The following DLGAP2 variants were observed in gnomAD, a reference collection of about 807,000 sequenced individuals.
DLGAP2 encodes DLG associated protein 2.
A neutral mutation model predicts 100.3 loss-of-function variants in DLGAP2; 26 were observed. The ratio of observed to expected loss-of-function variants is 0.26; its 90% CI spans 0.19 to 0.36. DLGAP2 has a LOEUF of 0.36. Ranked by LOEUF, DLGAP2 falls within the 10% of genes least tolerant of loss-of-function variation. The pLI, the probability that DLGAP2 is intolerant of heterozygous loss-of-function variation, is 1.00. For missense variants in DLGAP2, 1,858 were observed against 1,453.2 expected, an observed-to-expected ratio of 1.28 and a Z score of -4.53; for synonymous variants, 886 against 630.1, an observed-to-expected ratio of 1.41 and a Z score of -6.08.
At chr8:862,105 A>C (rs1194435570) in intron 1 of DLGAP2, among the ~76,000 whole-genome samples, 1 of 152,100 alleles carries the variant, frequency 6.6e-6, no homozygotes, top group Non-Finnish European at 1.5e-5. Context: ...TCTTGGTTTC[A>C]TGAGTTTATG....
At chr8:1,261,923 G>C (rs1014790647) in intron 3 of DLGAP2, among the ~76,000 whole-genome samples, 1 of 152,200 alleles carries the variant, frequency 6.6e-6, no homozygotes, top group Non-Finnish European at 1.5e-5. Flanking sequence ...TGGTGGCAGC[G>C]TGTGCGGCTC....
chr8:1,111,307 G>A (rs1804949380), intron 2 of DLGAP2, among the ~76,000 whole-genome samples: 1 of 152,208 alleles, frequency 6.6e-6, no homozygotes, highest in African/African-American at 2.4e-5. Context: ...CACTGTGTGT[G>A]CTGAAGGCTG....
chr8:1,389,933 C>T (rs920756114), intron 3 of DLGAP2, among the ~76,000 whole-genome samples: 6 of 151,894 alleles, frequency 4.0e-5, no homozygotes, highest in South Asian at 4.2e-4. Context: ...CCGCGGAGCA[C>T]CCAGCTCCGG....
chr8:951,424 A>G (rs1352934160), intron 2 of DLGAP2, among the ~76,000 whole-genome samples: 3 of 151,760 alleles, frequency 2.0e-5, no homozygotes, highest in East Asian at 1.9e-4. Context: ...TTTTGTTTTT[A>G]TTTTTTAATA....
chr8:772,198 G>T (rs1821381604), intron 1 of DLGAP2, among the ~76,000 whole-genome samples: 5 of 152,032 alleles, frequency 3.3e-5, no homozygotes. Flanking sequence ...ACTGTGCCCA[G>T]CCTCATCTGT....
intron 3 of DLGAP2, chr8:1,296,986 G>T: frequency 6.6e-6 from 1 of 152,640 alleles, no homozygotes. Flanking sequence ...GGGAACTGGA[G>T]ACCTCAGGGC....
chr8:1,591,412 T>C (rs1366775625), intron 6 of DLGAP2, among the ~76,000 whole-genome samples: 1 of 152,164 alleles, frequency 6.6e-6, no homozygotes, highest in African/African-American at 2.4e-5. Flanking sequence ...TCACTGCTTC[T>C]CTAAGACTGG....
chr8:1,357,415 T>TG (rs397752904), intron 3 of DLGAP2, among the ~76,000 whole-genome samples: 1 of 149,474 alleles, frequency 6.7e-6, no homozygotes, highest in Non-Finnish European at 1.5e-5. Context: ...TTTTTTTTTT[T>TG]GTAGCTTTTT....
intron 2 of DLGAP2, among the ~76,000 whole-genome samples, chr8:1,160,039 C>T (rs1260442295): frequency 6.6e-6 from 1 of 152,190 alleles, no homozygotes; most frequent in Non-Finnish European, 1.5e-5. Flanking sequence ...TGATGACCGT[C>T]GTCGTAAACT....
chr8:999,599 C>A (rs935669954), intron 2 of DLGAP2, among the ~76,000 whole-genome samples: 2 of 151,922 alleles, frequency 1.3e-5, no homozygotes, highest in African/African-American at 4.8e-5. Context: ...CTGCCTCAGC[C>A]TCCTGAGTAG....
chr8:815,681 T>C (rs901422961), intron 1 of DLGAP2, among the ~76,000 whole-genome samples: 2 of 152,212 alleles, frequency 1.3e-5, no homozygotes, highest in Non-Finnish European at 2.9e-5. Context: ...AAGATATTTA[T>C]TGAATGTCTT....
intron 2 of DLGAP2, among the ~76,000 whole-genome samples, chr8:965,194 C>G (rs1168175397): frequency 1.4e-5 from 2 of 141,162 alleles, no homozygotes; most frequent in East Asian, 4.4e-4. Context: ...GCACTGTTCA[C>G]CACACAGGGC....
chr8:1,541,911 C>T (rs1801373945), intron 4 of DLGAP2, among the ~76,000 whole-genome samples: 1 of 152,258 alleles, frequency 6.6e-6, no homozygotes, highest in African/African-American at 2.4e-5. Context: ...GGTCACGGAA[C>T]GTTAAGTGAG....
At chr8:1,552,307 A>T (rs893579414) in intron 5 of DLGAP2, among the ~76,000 whole-genome samples, 1 of 152,242 alleles carries the variant, frequency 6.6e-6, no homozygotes. Context: ...GTTTTCTTGC[A>T]GTAGCAAGCT....
chr8:781,311 G>GT (rs958426105), intron 1 of DLGAP2, among the ~76,000 whole-genome samples: 2 of 152,024 alleles, frequency 1.3e-5, no homozygotes, highest in African/African-American at 4.8e-5. Context: ...ATGACGTTAA[G>GT]TTTTTTCTTA....
At chr8:1,061,965 A>G (rs1364343378) in intron 2 of DLGAP2, among the ~76,000 whole-genome samples, 1 of 152,034 alleles carries the variant, frequency 6.6e-6, no homozygotes, top group African/African-American at 2.4e-5. Flanking sequence ...TATGGCTACT[A>G]GAGCAAATGA....
intron 1 of DLGAP2, among the ~76,000 whole-genome samples, chr8:757,803 G>A (rs1820957464): frequency 6.6e-6 from 1 of 152,230 alleles, no homozygotes; most frequent in Admixed American, 6.5e-5. Context: ...TGCTCTGCAT[G>A]AAAGTCACTG....
intron 2 of DLGAP2, among the ~76,000 whole-genome samples, chr8:945,829 CCT>C (rs1225764732): frequency 2.0e-5 from 3 of 151,756 alleles, no homozygotes; most frequent in Admixed American, 6.6e-5. Flanking sequence ...TCCATTTCCC[CCT>C]CTCTCTCTGC....
At chr8:817,583 T>C (rs963280478) in intron 1 of DLGAP2, among the ~76,000 whole-genome samples, 4 of 152,202 alleles carry the variant, frequency 2.6e-5, no homozygotes, top group Non-Finnish European at 4.4e-5. Flanking sequence ...TCCTTCTCAT[T>C]TGGGTAGACT....
Sources: gnomAD v4.1 joint callset for allele counts (sites outside exome capture counted in the v4.1 genomes callset) on GRCh38, gnomAD v4.1.1 for gene constraint, MANE v1.5 for transcripts, NCBI Gene and HGNC (gene_info 2026-07-23, HGNC 2026-07-21) for gene names.